The following ANK3 variants were observed in gnomAD, a reference collection of about 807,000 sequenced individuals.
ANK3 encodes the protein ankyrin 3.
ANK3 carries 57 observed loss-of-function variants against 370.9 expected under a neutral mutation model. That is an observed-to-expected ratio of 0.15 (90% CI 0.12 to 0.19). The LOEUF (loss-of-function observed/expected upper bound fraction) is 0.19. ANK3 is among the 10% of genes least tolerant of loss of function. The probability of loss-of-function intolerance (pLI) is 1.00; values close to 1 mark genes in which losing one functional copy is unlikely to be tolerated. For synonymous variants in ANK3, 1,929 were observed against 1,946.3 expected (o/e 0.99, Z 0.23); for missense variants, 4,439 against 5,302.1 (o/e 0.84, Z 5.06).
chr10:60,674,445 G>C (rs957721339), intron 1 of ANK3, among the ~76,000 whole-genome samples: 4 of 152,036 alleles, frequency 2.6e-5, no homozygotes, highest in Admixed American at 6.5e-5. Context: ...AGGGAGGAGG[G>C]AGATGCCACA....
At chr10:60,505,509 T>A (rs2133152177) in intron 2 of ANK3, among the ~76,000 whole-genome samples, 1 of 152,272 alleles carries the variant, frequency 6.6e-6, no homozygotes, top group South Asian at 2.1e-4. Context: ...ATTGTTCTTC[T>A]GGAAATTACA....
At position 60,601,668 on chromosome 10, in the gene ANK3, T is replaced by A. The variant is rs962128998; in HGVS notation, c.96+13518A>T. ...TGGAACCAAAAAATAAAAAAGGACA[T>A]TAGGGAGAAACTAGTGAAATCTGAA... On this transcript the variant is annotated intron_variant, in intron 2 of 43. Transcript: ENST00000373827. Among the ~76,000 whole-genome samples, 14 of 152,182 alleles carry A rather than the reference T, an allele frequency of 9.2e-5. 1 individual carries two copies. Among genetic ancestry groups the A allele is most frequent in the Admixed American group, 8.5e-4 (13 of 15,274 alleles).
At chr10:60,503,184 A>G (rs948685883) in intron 2 of ANK3, among the ~76,000 whole-genome samples, 1 of 152,222 alleles carries the variant, frequency 6.6e-6, no homozygotes, top group Non-Finnish European at 1.5e-5. Context: ...ACTTTGGCAT[A>G]CAAAGAGTAA....
chr10:60,523,959 AC>A (rs2076410344), intron 2 of ANK3, among the ~76,000 whole-genome samples: 1 of 152,128 alleles, frequency 6.6e-6, no homozygotes, highest in Admixed American at 6.6e-5. Flanking sequence ...ATAAACATAC[AC>A]TGGTCTATTC....
At chr10:60,613,871 C>T (rs865927523) in intron 2 of ANK3, among the ~76,000 whole-genome samples, 12 of 152,136 alleles carry the variant, frequency 7.9e-5, no homozygotes, top group African/African-American at 2.4e-4. Context: ...GTCAGGAGTT[C>T]GAGACCAGCC....
At chr10:60,278,238 GT>G (rs2098117387) in intron 4 of ANK3, among the ~76,000 whole-genome samples, 1 of 152,124 alleles carries the variant, frequency 6.6e-6, no homozygotes, top group South Asian at 2.1e-4. Context: ...ATAAAATAGT[GT>G]AAGACCCTGC....
At chr10:60,101,495 G>A (rs1589996888) in intron 28 of ANK3, among the ~76,000 whole-genome samples, 1 of 151,536 alleles carries the variant, frequency 6.6e-6, no homozygotes, top group Non-Finnish European at 1.5e-5. Context: ...TTTGGTGGGG[G>A]GAATGAATGT....
intron 1 of ANK3, among the ~76,000 whole-genome samples, chr10:60,699,988 G>A (rs557157343): frequency 1.3e-5 from 2 of 152,172 alleles, no homozygotes; most frequent in South Asian, 2.1e-4. Flanking sequence ...GATCCCACTG[G>A]CTTAGATGCT....
At chr10:60,532,233 G>A (rs903824566) in intron 2 of ANK3, among the ~76,000 whole-genome samples, 1 of 152,088 alleles carries the variant, frequency 6.6e-6, no homozygotes, top group African/African-American at 2.4e-5. Context: ...TCACAATCAG[G>A]CCTCTCTGTT....
chr10:60,079,694 TGTCA>T (rs1245512237), intron 36 of ANK3, among the ~76,000 whole-genome samples: 1 of 152,160 alleles, frequency 6.6e-6, no homozygotes, highest in Non-Finnish European at 1.5e-5. Flanking sequence ...GGCACCAATA[TGTCA>T]GTCAAATACA....
chr10:60,369,844 T>C (rs1260172439), intron 1 of ANK3, among the ~76,000 whole-genome samples: 1 of 152,168 alleles, frequency 6.6e-6, no homozygotes, highest in African/African-American at 2.4e-5. Context: ...TATACTGATA[T>C]ACAATGTCAG....
chr10:60,382,863 T>C (rs909741879), intron 1 of ANK3, among the ~76,000 whole-genome samples: 55 of 150,498 alleles, frequency 3.7e-4, no homozygotes, highest in African/African-American at 1.3e-3. Flanking sequence ...AAATGGATTC[T>C]ATTTTAAAAT....
chr10:60,294,350 AG>A (rs1307329861), intron 1 of ANK3, among the ~76,000 whole-genome samples: 1 of 152,102 alleles, frequency 6.6e-6, no homozygotes, highest in Admixed American at 6.6e-5. Context: ...AGCCCAGAGG[AG>A]TTGAAGGGTG....
At chr10:60,728,055 G>A (rs1203792298) in intron 1 of ANK3, among the ~76,000 whole-genome samples, 1 of 152,104 alleles carries the variant, frequency 6.6e-6, no homozygotes, top group Non-Finnish European at 1.5e-5. Flanking sequence ...TCGCCTCTTG[G>A]TAACTTGAAA....
intron 17 of ANK3, among the ~76,000 whole-genome samples, chr10:60,182,590 T>G (rs1003914238): frequency 6.6e-6 from 1 of 152,194 alleles, no homozygotes; most frequent in Non-Finnish European, 1.5e-5. Context: ...CCCTCTAGCA[T>G]CTGTGCAATG....
intron 1 of ANK3, among the ~76,000 whole-genome samples, chr10:60,381,730 C>A (rs1049710080): frequency 2.6e-5 from 4 of 152,142 alleles, no homozygotes; most frequent in South Asian, 2.1e-4. Context: ...CTGGCAAATG[C>A]ATTTATTTGC....
chr10:60,307,526 G>C (rs2045416097), intron 1 of ANK3, among the ~76,000 whole-genome samples: 1 of 150,932 alleles, frequency 6.6e-6, no homozygotes, highest in Non-Finnish European at 1.5e-5. Context: ...TTTTAGTAGA[G>C]ATGAGGTCTT....
In ANK3 at chr10:60,074,405, G is replaced by A; in HGVS notation, c.6476C>T (p.Pro2159Leu). The change falls in exon 37 of 44, where the codon CCT becomes CTT. Residue 2159 changes from proline to leucine, a missense_variant. Pro to Leu is a moderately conservative substitution (Grantham distance 98). Transcript: ENST00000280772. ...PKPLFHEVPI[P>L]PVITETRTEV... ...AGTTCTTGTTTCTGTAATGACAGGA[G>A]GGATGGGAACTTCATGAAAAAGTGG... 6.2e-7 allele frequency: 1 copy of A among 1,614,044 alleles called. No homozygotes were observed. The highest frequency in any genetic ancestry group is 8.5e-7 in the Non-Finnish European group (1 of 1,179,984).
At chr10:60,315,265 GT>G (rs1442635444) in intron 1 of ANK3, among the ~76,000 whole-genome samples, 4 of 152,096 alleles carry the variant, frequency 2.6e-5, no homozygotes, top group African/African-American at 9.7e-5. Context: ...ACTTGACATT[GT>G]TTTTATATTT....
Sources: gnomAD v4.1 joint callset for allele counts (sites outside exome capture counted in the v4.1 genomes callset) on GRCh38, gnomAD v4.1.1 for gene constraint, MANE v1.5 for transcripts, NCBI Gene and HGNC (gene_info 2026-07-23, HGNC 2026-07-21) for gene names.